Variants in PHF21A observed in about 807,000 individuals in gnomAD.
The protein encoded by PHF21A is BHC80a.
PHF21A carries 11 observed loss-of-function variants against 82.5 expected under a neutral mutation model. The observed-to-expected ratio is 0.13, with a 90% CI of 0.08 to 0.22. The LOEUF (loss-of-function observed/expected upper bound fraction) is 0.22, where lower values mean the gene tolerates loss of function less well. Among genes scored for constraint, PHF21A ranks in the 10% least tolerant of loss-of-function variants. The probability of loss-of-function intolerance (pLI) is 1.00; values close to 1 mark genes in which losing one functional copy is unlikely to be tolerated. For missense variants in PHF21A, 579 were observed against 837.8 expected (o/e 0.69, Z 3.81); for synonymous variants, 297 against 302.8 (o/e 0.98, Z 0.20).
intron 6 of PHF21A, among the ~76,000 whole-genome samples, chr11:45,990,002 T>A (rs980086029): frequency 9.9e-5 from 15 of 152,008 alleles, no homozygotes; most frequent in Non-Finnish European, 1.9e-4. Flanking sequence ...AAAAAATAAA[T>A]AAATAAAATT....
chr11:46,083,561 T>C (rs1056069271), intron 4 of PHF21A: 2 of 152,250 alleles, frequency 1.3e-5, no homozygotes, highest in African/African-American at 4.8e-5. Flanking sequence ...GTACCAAGGA[T>C]TAGATACATG....
At chr11:45,954,200 T>C (rs1437768489) in intron 10 of PHF21A, among the ~76,000 whole-genome samples, 1 of 152,152 alleles carries the variant, frequency 6.6e-6, no homozygotes, top group Non-Finnish European at 1.5e-5. Context: ...TTTCACCATG[T>C]TGGTCAGGCT....
At chr11:46,079,009 A>AT in intron 5 of PHF21A, 125 bp downstream of exon 5, 1 of 569,344 alleles carries the variant, frequency 1.8e-6, no homozygotes, top group Non-Finnish European at 3.1e-6. Flanking sequence ...ATTAAAAATA[A>AT]TTGCTATTAG....
chr11:45,953,987 G>A (rs757135512), intron 10 of PHF21A, among the ~76,000 whole-genome samples: 1 of 152,108 alleles, frequency 6.6e-6, no homozygotes, highest in Non-Finnish European at 1.5e-5. Context: ...AAGCAAGCCT[G>A]CTATTTTTTG....
At chr11:46,005,476 C>T (rs999208703) in intron 6 of PHF21A, among the ~76,000 whole-genome samples, 4 of 152,100 alleles carry the variant, frequency 2.6e-5, no homozygotes, top group African/African-American at 9.7e-5. Context: ...AAGCAAAAAC[C>T]TCATTTGCAA....
chr11:46,100,582 T>G (rs2097081712), intron 1 of PHF21A, among the ~76,000 whole-genome samples: 1 of 152,206 alleles, frequency 6.6e-6, no homozygotes, highest in African/African-American at 2.4e-5. Flanking sequence ...GTTAAGTAAG[T>G]ATACTCCTTG....
At chr11:46,047,024 A>C (rs540910271) in intron 6 of PHF21A, among the ~76,000 whole-genome samples, 1 of 152,376 alleles carries the variant, frequency 6.6e-6, no homozygotes, top group South Asian at 2.1e-4. Context: ...AAAGTGATTC[A>C]GGAAGTCTAT....
At chr11:45,936,619 T>A (rs1030315959) in intron 16 of PHF21A, 50 bp from the exon 17 acceptor site, 1 of 1,190,066 alleles carries the variant, frequency 8.4e-7, no homozygotes, top group African/African-American at 1.5e-5. Context: ...TAAACACACA[T>A]CCTCTATGTA....
chr11:45,945,014 C>T (rs1300448294), intron 15 of PHF21A, among the ~76,000 whole-genome samples: 3 of 152,230 alleles, frequency 2.0e-5, no homozygotes, highest in Non-Finnish European at 4.4e-5. Flanking sequence ...CTGCCTGCCT[C>T]GGCCTCCCAA....
chr11:46,097,960 T>C (rs2097024750), intron 1 of PHF21A, among the ~76,000 whole-genome samples: 1 of 152,216 alleles, frequency 6.6e-6, no homozygotes, highest in Non-Finnish European at 1.5e-5. Context: ...GAATATATTA[T>C]GTCTTATTTA....
intron 12 of PHF21A, among the ~76,000 whole-genome samples, 153 bp from the exon 13 acceptor site, chr11:45,949,634 T>C (rs950290622): frequency 6.6e-6 from 1 of 152,228 alleles, no homozygotes; most frequent in Non-Finnish European, 1.5e-5. Flanking sequence ...AGCACACTAC[T>C]GGAAGCAAAT....
intron 7 of PHF21A, among the ~76,000 whole-genome samples, chr11:45,972,684 C>T (rs1047422011): frequency 2.6e-5 from 4 of 152,068 alleles, no homozygotes; most frequent in African/African-American, 4.8e-5. Flanking sequence ...GAGGCCGATG[C>T]GGGTGGATTG....
intron 6 of PHF21A, among the ~76,000 whole-genome samples, chr11:46,056,035 C>T (rs575051775): frequency 4.6e-5 from 7 of 152,208 alleles, no homozygotes; most frequent in African/African-American, 1.4e-4. Context: ...ATAGCTCAAG[C>T]AATACTTTCT....
intron 6 of PHF21A, among the ~76,000 whole-genome samples, chr11:46,041,187 G>A (rs1194704805): frequency 1.3e-5 from 2 of 151,954 alleles, no homozygotes; most frequent in Non-Finnish European, 2.9e-5. Flanking sequence ...ATACAGAAGC[G>A]GAAATAGTCA....
At chr11:46,078,109 G>A (rs764201763) in intron 5 of PHF21A, among the ~76,000 whole-genome samples, 1 of 151,658 alleles carries the variant, frequency 6.6e-6, no homozygotes, top group African/African-American at 2.4e-5. Flanking sequence ...TTTAAATTGT[G>A]ACTATACCAA....
At chr11:45,956,486 T>A (rs2092650043) in intron 10 of PHF21A, among the ~76,000 whole-genome samples, 1 of 152,076 alleles carries the variant, frequency 6.6e-6, no homozygotes, top group Non-Finnish European at 1.5e-5. Context: ...TATTTATTTT[T>A]ATTTTAGATT....
chr11:46,046,225 C>T (rs2096253903), intron 6 of PHF21A, among the ~76,000 whole-genome samples: 2 of 152,128 alleles, frequency 1.3e-5, no homozygotes, highest in African/African-American at 4.8e-5. Context: ...AGCAGAAATC[C>T]AGGTCCACAG....
intron 6 of PHF21A, among the ~76,000 whole-genome samples, chr11:46,002,333 G>A (rs1371265052): frequency 2.0e-5 from 3 of 152,114 alleles, no homozygotes; most frequent in African/African-American, 7.2e-5. Context: ...TAACTAGAAT[G>A]CATAGTCCTC....
At chr11:45,981,727 G>C (rs2094296162) in intron 6 of PHF21A, among the ~76,000 whole-genome samples, 1 of 152,074 alleles carries the variant, frequency 6.6e-6, no homozygotes, top group Non-Finnish European at 1.5e-5. Flanking sequence ...GAAACCATAA[G>C]AGCCAGGTTA....
Sources: allele counts gnomAD v4.1 joint callset (sites outside exome capture counted in the v4.1 genomes callset), GRCh38; gene constraint gnomAD v4.1.1; transcripts MANE v1.5; gene names NCBI Gene and HGNC (gene_info 2026-07-23, HGNC 2026-07-21).